CSMD1: variants seen among roughly 807,000 people sequenced by gnomAD.
CSMD1 encodes the protein CUB and Sushi multiple domains 1.
A neutral mutation model predicts 417.5 loss-of-function variants in CSMD1; 213 were observed. The ratio of observed to expected loss-of-function variants is 0.51; its 90% CI spans 0.46 to 0.57. The LOEUF is 0.57. Ranked by LOEUF, CSMD1 falls within the 20% of genes least tolerant of loss-of-function variation. The pLI is 0.00. For synonymous variants in CSMD1, 2,862 were observed against 1,736.8 expected (o/e 1.65, Z -16.11); for missense variants, 6,923 against 4,529.7 (o/e 1.53, Z -15.17).
At chr8:4,580,663 T>G (rs1305576955) in intron 2 of CSMD1, among the ~76,000 whole-genome samples, 2 of 152,172 alleles carry the variant, frequency 1.3e-5, no homozygotes, top group Non-Finnish European at 2.9e-5. Context: ...CTACCCTGGC[T>G]GAGCAAAATG....
At position 4,398,529 on chromosome 8, in the gene CSMD1, G is replaced by A. The variant is rs538179908; in HGVS notation, c.415+21424C>T. ...TAGCCTCAGCCTCCCGAGTAGGTGG[G>A]ACTACAGGCGCCCGCCACCATGCCC... On this transcript the variant is annotated intron_variant, in intron 3 of 69. Coordinates refer to ENST00000635120, the MANE Select transcript of CSMD1 (RefSeq NM_033225.6). Among the ~76,000 whole-genome samples the A allele has an allele frequency of 7.9e-5, 12 of 151,822 alleles. No individual in the cohort carries two copies. In the South Asian group the frequency reaches 2.5e-3, roughly 32 times the overall value.
intron 22 of CSMD1, 122 bp from the exon 23 acceptor site, chr8:3,343,572 G>T: frequency 1.2e-6 from 1 of 806,748 alleles, no homozygotes; most frequent in Non-Finnish European, 1.9e-6. Context: ...AAGGCATATA[G>T]TTTACAGAAA....
chr8:3,303,711 T>TGTTA (rs1388976853), intron 25 of CSMD1, among the ~76,000 whole-genome samples: 10 of 152,218 alleles, frequency 6.6e-5, no homozygotes, highest in Admixed American at 5.9e-4. Context: ...TTTATAATGC[T>TGTTA]GTTACTTTTG....
rs1796427215 is a variant in CSMD1 at position 3,734,488 on chromosome 8, A to C, written c.931+19442T>G. On this transcript the variant is annotated intron_variant, in intron 6 of 69. Transcript: ENST00000635120. ...CACTTTGAGAGGCTGAGGTGGGTGGATCCCTTGACGTCAGGAGTTCAAGAC... is the reference window on the plus strand; with the variant it reads ...CACTTTGAGAGGCTGAGGTGGGTGGCTCCCTTGACGTCAGGAGTTCAAGAC... 2.0e-5 allele frequency among the ~76,000 whole-genome samples: 3 copies of C among 152,192 alleles called. No individual in the cohort carries two copies. The South Asian group carries it at 6.2e-4, about 31-fold the overall frequency.
chr8:3,802,413 A>C (rs1385160772), intron 5 of CSMD1, among the ~76,000 whole-genome samples: 4 of 152,176 alleles, frequency 2.6e-5, no homozygotes, highest in Non-Finnish European at 5.9e-5. Flanking sequence ...TTTTCAAACA[A>C]ACACTATTAT....
chr8:4,417,179 A>T (rs1289409537), intron 3 of CSMD1, among the ~76,000 whole-genome samples: 5 of 152,062 alleles, frequency 3.3e-5, no homozygotes, highest in African/African-American at 9.7e-5. Context: ...ACTGTAAATA[A>T]TCAATGTTAG....
chr8:3,267,741 C>A (rs1028047262), intron 26 of CSMD1, among the ~76,000 whole-genome samples: 1 of 152,160 alleles, frequency 6.6e-6, no homozygotes, highest in Non-Finnish European at 1.5e-5. Context: ...GTGGGTGGGG[C>A]ACACTACATG....
intron 23 of CSMD1, among the ~76,000 whole-genome samples, chr8:3,336,820 C>T (rs1475197632): frequency 6.6e-6 from 1 of 152,082 alleles, no homozygotes; most frequent in Non-Finnish European, 1.5e-5. Context: ...GGCACAGCTC[C>T]TGTCTAATTC....
intron 3 of CSMD1, among the ~76,000 whole-genome samples, chr8:4,153,046 G>A (rs569943256): frequency 3.3e-5 from 5 of 152,210 alleles, no homozygotes; most frequent in East Asian, 1.9e-4. Flanking sequence ...GACTTGTAAC[G>A]TGTTATTAAC....
At chr8:3,667,911 G>T (rs548481025) in intron 7 of CSMD1, among the ~76,000 whole-genome samples, 3 of 152,264 alleles carry the variant, frequency 2.0e-5, no homozygotes, top group Admixed American at 6.5e-5. Flanking sequence ...GACTCTGTAT[G>T]TTGCGGAGAC....
intron 6 of CSMD1, among the ~76,000 whole-genome samples, chr8:3,731,560 C>T (rs1319902837): frequency 3.9e-5 from 6 of 152,000 alleles, no homozygotes; most frequent in Admixed American, 1.3e-4. Context: ...TGATTCCACC[C>T]GTGAAGAATC....
At chr8:4,154,560 C>G (rs181212540) in intron 3 of CSMD1, among the ~76,000 whole-genome samples, 2 of 152,150 alleles carry the variant, frequency 1.3e-5, no homozygotes, top group African/African-American at 4.8e-5. Flanking sequence ...GCTTCTAACG[C>G]CGTGAGCTGG....
At chr8:4,518,657 C>T (rs1008264684) in intron 2 of CSMD1, among the ~76,000 whole-genome samples, 7 of 150,502 alleles carry the variant, frequency 4.7e-5, no homozygotes, top group Admixed American at 6.7e-5. Flanking sequence ...AGGAGATATA[C>T]CTAATGCTAA....
At chr8:4,594,193 A>ATTTTTTTTTTT (rs1213486937) in intron 2 of CSMD1, among the ~76,000 whole-genome samples, 2 of 88,104 alleles carry the variant, frequency 2.3e-5, no homozygotes, top group Non-Finnish European at 2.4e-5. Flanking sequence ...TTCTAAAGTG[A>ATTTTTTTTTTT]TCTTTTTTTT....
intron 23 of CSMD1, among the ~76,000 whole-genome samples, chr8:3,326,263 C>A (rs2117511721): frequency 6.6e-6 from 1 of 152,314 alleles, no homozygotes; most frequent in South Asian, 2.1e-4. Flanking sequence ...TATATGCCCA[C>A]CTCTACCTCT....
intron 3 of CSMD1, among the ~76,000 whole-genome samples, chr8:4,200,437 C>T (rs1045320218): frequency 3.9e-5 from 6 of 152,206 alleles, no homozygotes; most frequent in African/African-American, 9.6e-5. Flanking sequence ...ACCCCACAGC[C>T]GTCTACTCAA....
intron 2 of CSMD1, among the ~76,000 whole-genome samples, chr8:4,447,389 A>T (rs764479180): frequency 1.3e-5 from 2 of 152,178 alleles, no homozygotes; most frequent in Non-Finnish European, 2.9e-5. Flanking sequence ...CAGCTCCTTG[A>T]ATGATTGGGA....
At chr8:3,582,553 T>C (rs1800428092) in intron 9 of CSMD1, among the ~76,000 whole-genome samples, 1 of 152,178 alleles carries the variant, frequency 6.6e-6, no homozygotes, top group Non-Finnish European at 1.5e-5. Context: ...AAGAAAATCA[T>C]AACTGTAAAT....
At chr8:3,613,378 T>C (rs1801982868) in intron 8 of CSMD1, 2 of 278,146 alleles carry the variant, frequency 7.2e-6, no homozygotes, top group Admixed American at 9.3e-5. Flanking sequence ...TTCTATGGTA[T>C]TCCAGAGAAG....
Sources: gnomAD v4.1 joint callset for allele counts (sites outside exome capture counted in the v4.1 genomes callset) on GRCh38, gnomAD v4.1.1 for gene constraint, MANE v1.5 for transcripts, NCBI Gene and HGNC (gene_info 2026-07-23, HGNC 2026-07-21) for gene names.